The following ADCY2 variants were observed in gnomAD, a reference collection of about 807,000 sequenced individuals.
The protein encoded by ADCY2 is adenylate cyclase 2.
Under a neutral mutation model 125.2 loss-of-function variants are expected in ADCY2, and 31 were observed. The observed-to-expected ratio is 0.25, with a 90% confidence interval of 0.19 to 0.33. The LOEUF (loss-of-function observed/expected upper bound fraction) is 0.33, where lower values mean the gene tolerates loss of function less well. ADCY2 is among the 10% of genes least tolerant of loss of function. ADCY2 has a pLI of 1.00. For synonymous variants in ADCY2, 512 were observed against 548.4 expected, an observed-to-expected ratio of 0.93 and a Z score of 0.93; for missense variants, 904 against 1,418.2, an observed-to-expected ratio of 0.64 and a Z score of 5.82.
chr5:7,413,872 CAAAAT>C (rs1329609205), intron 1 of ADCY2, among the ~76,000 whole-genome samples: 1 of 152,070 alleles, frequency 6.6e-6, no homozygotes, highest in Non-Finnish European at 1.5e-5. Context: ...AATTGTGTGT[CAAAAT>C]AAATGTAAAG....
At chr5:7,477,984 T>A (rs540827759) in intron 2 of ADCY2, among the ~76,000 whole-genome samples, 1 of 152,324 alleles carries the variant, frequency 6.6e-6, no homozygotes, top group South Asian at 2.1e-4. Flanking sequence ...TTAACCCACA[T>A]GGTGTCTGGA....
intron 4 of ADCY2, among the ~76,000 whole-genome samples, chr5:7,673,972 G>A (rs1740028014): frequency 1.3e-5 from 2 of 152,134 alleles, no homozygotes; most frequent in Admixed American, 1.3e-4. Flanking sequence ...ACACCCATGT[G>A]TCCAGTGGGA....
chr5:7,829,613 C>T lies in ADCY2; in HGVS notation c.*2742C>T, dbSNP rs1342591612. On this transcript the variant is annotated 3_prime_UTR_variant, in exon 25 of 25. Transcript: ENST00000338316. ...CCTTTAAGTCTTACAGGAAGCCTCT[C>T]ATAGAAATTGCCTCCAGTCCAGTTT... The T allele has an allele frequency of 6.6e-6, 1 of 152,342 alleles. No homozygotes were observed. The highest frequency in any genetic ancestry group is 1.5e-5 in the Non-Finnish European group (1 of 68,046). The allele number at this position is 152,342 out of a possible 1,614,324, so 9.4% of individuals were successfully genotyped here.
In ADCY2 at chr5:7,396,363, G is replaced by A; in HGVS notation, c.67G>A (p.Gly23Arg). ...RDRSEEAAGG[G>R]DGLPRSRDWL... Reference sequence around the variant, plus strand: ...CCGCTCCGAGGAGGCGGCGGGCGGCGGAGACGGGCTGCCGCGGTCCCGGGA... The same window carrying A: ...CCGCTCCGAGGAGGCGGCGGGCGGCAGAGACGGGCTGCCGCGGTCCCGGGA... The change falls in exon 1 of 25, where the codon GGA becomes AGA. Residue 23 changes from glycine to arginine, a missense_variant. Transcript: ENST00000338316. This position sits in a 1 kb window ranked among gnomAD's most constrained non-coding sequence, Gnocchi z 5.7. The A allele has an allele frequency of 6.4e-7, 1 of 1,551,548 alleles. No individual in the cohort carries two copies. The highest frequency in any genetic ancestry group is 1.4e-5 in the African/African-American group (1 of 70,136).
At chr5:7,569,951 AATT>A (rs2126598885) in intron 3 of ADCY2, among the ~76,000 whole-genome samples, 1 of 152,094 alleles carries the variant, frequency 6.6e-6, no homozygotes, top group African/African-American at 2.4e-5. Flanking sequence ...AACATTAATT[AATT>A]ATTAAACCAT....
intron 4 of ADCY2, among the ~76,000 whole-genome samples, chr5:7,660,959 T>G (rs1739508101): frequency 6.6e-6 from 1 of 152,168 alleles, no homozygotes; most frequent in African/African-American, 2.4e-5. Context: ...CAGAATCCAG[T>G]GTCCCAACAC....
chr5:7,778,855 C>T (rs1743824372), intron 18 of ADCY2, among the ~76,000 whole-genome samples: 1 of 152,232 alleles, frequency 6.6e-6, no homozygotes, highest in Non-Finnish European at 1.5e-5. Flanking sequence ...GGAAGAGCTG[C>T]AGACCTTACC....
chr5:7,804,064 G>GAGAGAGAGAGAGAGAGAGAA, intron 21 of ADCY2, among the ~76,000 whole-genome samples: 1 of 147,574 alleles, frequency 6.8e-6, no homozygotes, highest in Non-Finnish European at 1.5e-5. Flanking sequence ...GAGAGAGAGA[G>GAGAGAGAGAGAGAGAGAGAA]AGAGAGAGAG....
chr5:7,805,852 C>A (rs1294961890), intron 22 of ADCY2, among the ~76,000 whole-genome samples: 1 of 152,214 alleles, frequency 6.6e-6, no homozygotes, highest in Non-Finnish European at 1.5e-5. Context: ...CAAGATGGAA[C>A]CCTAGCATTC....
At chr5:7,776,638 T>C (rs1025968968) in intron 18 of ADCY2, among the ~76,000 whole-genome samples, 1 of 152,076 alleles carries the variant, frequency 6.6e-6, no homozygotes, top group Non-Finnish European at 1.5e-5. Context: ...TCTGCGTGGG[T>C]GTTGCCAGAG....
rs139980559 is a variant in ADCY2 at position 7,818,773 on chromosome 5, C to T, written c.2999-1792C>T. Among the ~76,000 whole-genome samples the T allele has an allele frequency of 5.4e-3, 807 of 150,230 alleles. 9 individuals carry two copies. Among genetic ancestry groups the T allele is most frequent in the African/African-American group, 0.019 (770 of 40,858 alleles). On this transcript the variant is annotated intron_variant, in intron 23 of 24. Coordinates refer to ENST00000338316, the MANE Select transcript of ADCY2 (RefSeq NM_020546.3). ...ACCAAACATGGGCGTGTCCCTTTGA[C>T]CCCAGAGACTCTACACTGTTTTGAC...
At chr5:7,583,530 G>A (rs1579598112) in intron 3 of ADCY2, among the ~76,000 whole-genome samples, 1 of 151,954 alleles carries the variant, frequency 6.6e-6, no homozygotes, top group Non-Finnish European at 1.5e-5. Flanking sequence ...CACTCATCAG[G>A]GAAATGCAAA....
intron 14 of ADCY2, among the ~76,000 whole-genome samples, chr5:7,741,085 GGA>G (rs1742391966): frequency 1.3e-5 from 2 of 151,844 alleles, no homozygotes; most frequent in African/African-American, 4.8e-5. Context: ...TTACAAATAT[GGA>G]GAGTTTTTAA....
At chr5:7,694,342 G>C (rs545099492) in intron 5 of ADCY2, among the ~76,000 whole-genome samples, 1 of 152,092 alleles carries the variant, frequency 6.6e-6, no homozygotes, top group African/African-American at 2.4e-5. Context: ...TTGGATCACG[G>C]ACACTTACAT....
At chr5:7,416,857 A>G (rs1053321011) in intron 2 of ADCY2, among the ~76,000 whole-genome samples, 1 of 152,096 alleles carries the variant, frequency 6.6e-6, no homozygotes, top group Non-Finnish European at 1.5e-5. Context: ...TCTTGCACCA[A>G]AGCCATCTTG....
chr5:7,684,097 A>G (rs1233283375), intron 4 of ADCY2, among the ~76,000 whole-genome samples: 1 of 152,182 alleles, frequency 6.6e-6, no homozygotes, highest in Non-Finnish European at 1.5e-5. Context: ...CTATGCATGG[A>G]TACTCTTTGA....
intron 3 of ADCY2, among the ~76,000 whole-genome samples, chr5:7,537,806 C>G (rs1018621877): frequency 2.6e-5 from 4 of 152,358 alleles, no homozygotes; most frequent in Middle Eastern, 6.8e-3. Context: ...TGGCCCCTCC[C>G]TTCCCTTGCA....
intron 3 of ADCY2, among the ~76,000 whole-genome samples, chr5:7,625,740 CA>C (rs1738097088): frequency 1.3e-5 from 2 of 152,178 alleles, no homozygotes; most frequent in Non-Finnish European, 2.9e-5. Flanking sequence ...TTGACTAGGG[CA>C]GCTCTGCTCC....
chr5:7,526,955 C>T (rs1440775974), intron 3 of ADCY2, among the ~76,000 whole-genome samples: 1 of 41,440 alleles, frequency 2.4e-5, no homozygotes, highest in Admixed American at 2.5e-4. Flanking sequence ...AACCAAAAGC[C>T]CTTAGTAAAT....
Sources: gnomAD v4.1 joint callset for allele counts (sites outside exome capture counted in the v4.1 genomes callset) on GRCh38, gnomAD v4.1.1 for gene constraint, Gnocchi (gnomAD v3.1) non-coding constraint, MANE v1.5 for transcripts, NCBI Gene and HGNC (gene_info 2026-07-23, HGNC 2026-07-21) for gene names.